ZNF485: variants seen among roughly 807,000 people sequenced by gnomAD.
The protein encoded by ZNF485 is zinc finger protein 485.
In ZNF485, 9 loss-of-function variants were observed where a neutral mutation model predicts 10.8. The ratio of observed to expected loss-of-function variants is 0.83; its 90% confidence interval spans 0.50 to 1.45. ZNF485 has a LOEUF of 1.45. ZNF485 is among the 40% of genes most tolerant of loss of function. The pLI is 0.00. For synonymous variants in ZNF485, 187 were observed against 181.0 expected (o/e 1.03, Z -0.27); for missense variants, 487 against 528.0 (o/e 0.92, Z 0.76).
chr10:43,608,605 G>A lies in ZNF485; in HGVS notation c.25-9G>A, dbSNP rs201982077. 22 of 1,610,336 alleles carry A rather than the reference G, an allele frequency of 1.4e-5. No homozygotes were observed. Among genetic ancestry groups the A allele is most frequent in the Non-Finnish European group, 1.9e-5 (22 of 1,177,906 alleles). ...TCCCGGATGAGCAGAATTGGGTTTG[G>A]TTTTGCAGGGACCGCTGACATTTGG... On this transcript the variant is annotated splice_polypyrimidine_tract_variant and intron_variant, in intron 2 of 4. Coordinates refer to ENST00000361807, the MANE Select transcript of ZNF485 (RefSeq NM_145312.4).
chr10:43,609,272 C>A lies in ZNF485; in HGVS notation c.169C>A (p.Pro57Thr). 2 of 1,613,654 alleles carry A rather than the reference C, an allele frequency of 1.2e-6. No individual in the cohort carries two copies. The highest frequency in any genetic ancestry group is 1.7e-6 in the Non-Finnish European group (2 of 1,179,816). The change falls in exon 4 of 5, where the codon CCA (proline) becomes ACA (threonine). Residue 57 changes from proline to threonine, a missense_variant. Pro to Thr is a conservative substitution (Grantham distance 38, BLOSUM62 -1). Transcript: ENST00000361807. ...LVSVGLLSSK[P>T]KLITQLEQGA... ...ATGAACAGGGCTTCTCTCTTCCAAA[C>A]CAAAACTAATTACTCAGTTGGAGCA...
rs1447311195 is a variant in ZNF485, at chr10:43,616,555, C to T, written c.512C>T (p.Ser171Leu). The change falls in exon 5 of 5, where the codon TCA becomes TTA. Residue 171 changes from serine (S) to leucine (L), a missense_variant. Coordinates refer to ENST00000361807, the MANE Select transcript of ZNF485 (RefSeq NM_145312.4). ...TGTGGGATCGCCTTTATGAACAGTTCATCCCTTTTAAATCACCATAAGGTT... is the reference window on the plus strand; with the variant it reads ...TGTGGGATCGCCTTTATGAACAGTTTATCCCTTTTAAATCACCATAAGGTT... ...KECGIAFMNS[S>L]SLLNHHKVHA... The T allele has an allele frequency of 6.2e-7, 1 of 1,614,194 alleles. No individual in the cohort carries two copies. Among genetic ancestry groups the T allele is most frequent in the Non-Finnish European group, 8.5e-7 (1 of 1,180,028 alleles).
chr10:43,617,438 A>C lies in ZNF485; in HGVS notation c.*69A>C. The C allele has an allele frequency of 8.7e-7, 1 of 1,145,550 alleles. No homozygotes were observed. The highest frequency in any genetic ancestry group is 1.2e-6 in the Non-Finnish European group (1 of 810,722). The allele number at this position is 1,145,550 out of a possible 1,614,324, so 71.0% of individuals were successfully genotyped here. A position where few individuals can be genotyped will look rare whatever the true frequency, so the allele number is the denominator to read the frequency against. ...AGAGGAGACATTAAATAAATTATGC[A>C]TTTAACAGAAATACTCTGTACTTCT... On this transcript the variant is annotated 3_prime_UTR_variant, in exon 5 of 5. Coordinates refer to ENST00000361807, the MANE Select transcript of ZNF485 (RefSeq NM_145312.4).
Position 43,608,570 on chromosome 10 carries a change from C to T in ZNF485, c.25-44C>T, listed in dbSNP as rs80002112. 28 of 1,573,574 alleles carry T rather than the reference C, an allele frequency of 1.8e-5. No homozygotes were observed. In the East Asian group the frequency reaches 5.6e-4, roughly 31 times the overall value. On this transcript the variant is annotated intron_variant, in intron 2 of 4. Transcript: ENST00000361807. ...TTGCTTCCTTCTCTTGGGATGCCTC[C>T]CTCAGGGGTTCCCGGATGAGCAGAA...
chr10:43,609,411 G>C lies in ZNF485; in HGVS notation c.247+61G>C, dbSNP rs1327438009. ...CACACGGAGCAGTACGGGGGTTCCT[G>C]AGTGGAAGCTCATCTTTGAGTGCCC... On this transcript the variant is annotated intron_variant, in intron 4 of 4. Coordinates refer to ENST00000361807, the MANE Select transcript of ZNF485 (RefSeq NM_145312.4). 3.0e-6 allele frequency: 4 copies of C among 1,327,474 alleles called. No individual in the cohort carries two copies. In the Admixed American group the frequency reaches 5.8e-5, roughly 19 times the overall value. 82.2% of individuals were successfully genotyped at this position (1,327,474 alleles called of 1,614,324 possible). A position where few individuals can be genotyped will look rare whatever the true frequency, so the allele number is the denominator to read the frequency against.
intron 4 of ZNF485, among the ~76,000 whole-genome samples, chr10:43,613,712 A>G (rs1451649478): frequency 6.6e-6 from 1 of 152,228 alleles, no homozygotes; most frequent in Non-Finnish European, 1.5e-5. Flanking sequence ...TCTGTTGGGC[A>G]TGTATTCAGC....
chr10:43,609,212 A>C (rs1392544682), intron 3 of ZNF485, 43 bp from the exon 4 acceptor site: 8 of 1,348,696 alleles, frequency 5.9e-6, no homozygotes, highest in Non-Finnish European at 7.2e-6. Context: ...CTTTTCATTC[A>C]TTTTTTTTTT....
chr10:43,608,471 C>T (rs1056524297), intron 2 of ZNF485, 143 bp from the exon 3 acceptor site: 2 of 1,051,958 alleles, frequency 1.9e-6, no homozygotes, highest in African/African-American at 1.6e-5. Flanking sequence ...GTCGCACATC[C>T]CCTGAGCCCT....
In ZNF485 at chr10:43,608,642, T is replaced by C. The variant is rs201485547; in HGVS notation, c.53T>C (p.Val18Ala). The change falls in exon 3 of 5, where the codon GTG becomes GCG. Residue 18 changes from valine to alanine, a missense_variant. Val to Ala is a moderately conservative substitution (Grantham distance 64, BLOSUM62 0). Transcript: ENST00000361807. ...QGPLTFGDVAVAFTRIEWRHL... is the reference protein window; with the variant it reads ...QGPLTFGDVAAAFTRIEWRHL... Reference sequence around the variant, plus strand: ...CCGCTGACATTTGGGGATGTGGCTGTGGCCTTTACCCGGATTGAGTGGAGA... The same window carrying C: ...CCGCTGACATTTGGGGATGTGGCTGCGGCCTTTACCCGGATTGAGTGGAGA... 1.2e-6 allele frequency: 2 copies of C among 1,613,536 alleles called. No homozygotes were observed. The highest frequency in any genetic ancestry group is 3.3e-5 in the Admixed American group (2 of 60,010).
At position 43,609,275 on chromosome 10, in the gene ZNF485, A is replaced by G. The variant is rs1838719442; in HGVS notation, c.172A>G (p.Lys58Glu). The G allele has an allele frequency of 1.2e-6, 2 of 1,613,834 alleles. No individual in the cohort carries two copies. Among genetic ancestry groups the G allele is most frequent in the South Asian group, 2.2e-5 (2 of 91,048 alleles). ...AACAGGGCTTCTCTCTTCCAAACCA[A>G]AACTAATTACTCAGTTGGAGCAAGG... Reference protein sequence around the residue: ...VSVGLLSSKPKLITQLEQGAE... With the variant: ...VSVGLLSSKPELITQLEQGAE... The change falls in exon 4 of 5, where the codon AAA becomes GAA. Residue 58 changes from lysine to glutamate, a missense_variant. Transcript: ENST00000361807.
rs954048689 is a variant in ZNF485 at position 43,616,986 on chromosome 10, A to T, written c.943A>T (p.Ser315Cys). 6.2e-7 allele frequency: 1 copy of T among 1,614,048 alleles called. No individual in the cohort carries two copies. Among genetic ancestry groups the T allele is most frequent in the Non-Finnish European group, 8.5e-7 (1 of 1,180,046 alleles). Residue 315 changes from serine to cysteine, a missense_variant, in exon 5 of 5, where the codon AGT becomes TGT. Physicochemically the swap from Ser to Cys is moderately radical, Grantham distance 112. Coordinates refer to ENST00000361807, the MANE Select transcript of ZNF485 (RefSeq NM_145312.4). ...KAFRKSSTLI[S>C]HQRMHTGEKP... ...CTTTAGGAAGAGCTCAACTCTTATTAGTCACCAAAGAATGCATACTGGGGA... is the reference window on the plus strand; with the variant it reads ...CTTTAGGAAGAGCTCAACTCTTATTTGTCACCAAAGAATGCATACTGGGGA...
rs1258452238 is a variant in ZNF485 at position 43,617,054 on chromosome 10, T to C, written c.1011T>C (p.Tyr337=). The C allele has an allele frequency of 1.2e-6, 2 of 1,614,186 alleles. No homozygotes were observed. The highest frequency in any genetic ancestry group is 2.2e-5 in the South Asian group (2 of 91,082). The change falls in exon 5 of 5, where the codon TAT becomes TAC. Residue 337 remains tyrosine, a synonymous_variant. Coordinates refer to ENST00000361807, the MANE Select transcript of ZNF485 (RefSeq NM_145312.4). ...HCSKCGKSFR[Y]SSSFAGHQKT... is the part of the protein sequence containing the mutation. ...GTAAATGTGGAAAATCTTTCAGGTA[T>C]AGCTCATCCTTTGCTGGTCATCAGA...
intron 4 of ZNF485, among the ~76,000 whole-genome samples, chr10:43,613,074 T>C (rs138125199): frequency 1.0e-3 from 159 of 152,338 alleles, no homozygotes; most frequent in African/African-American, 3.5e-3. Flanking sequence ...TACTAAGAGA[T>C]TGATAAGCTA....
chr10:43,606,473 T>A lies in ZNF485; in HGVS notation c.-128T>A, dbSNP rs1838642893. ...CGCTGCACCAGCCCCTGGCTGGTGG[T>A]TACTGTCCGAACGGCGTGGTGTGGT... On this transcript the variant is annotated 5_prime_UTR_variant, in exon 1 of 5. Transcript: ENST00000361807. 2.5e-6 allele frequency: 1 copy of A among 395,852 alleles called. No individual in the cohort carries two copies. Among genetic ancestry groups the A allele is most frequent in the African/African-American group, 2.1e-5 (1 of 48,402 alleles). The allele number at this position is 395,852 out of a possible 1,614,324, so 24.5% of individuals were successfully genotyped here.
At chr10:43,608,496 T>G in intron 2 of ZNF485, 118 bp from the exon 3 acceptor site, 1 of 1,333,408 alleles carries the variant, frequency 7.5e-7, no homozygotes, top group Non-Finnish European at 1.0e-6. Flanking sequence ...TTTTACTTGT[T>G]GGTTTCCATG....
intron 4 of ZNF485, among the ~76,000 whole-genome samples, chr10:43,614,282 T>A (rs1274835958): frequency 6.6e-6 from 1 of 152,194 alleles, no homozygotes; most frequent in Admixed American, 6.5e-5. Context: ...GGGTAACTAT[T>A]TGAAGAGCCT....
At position 43,617,084 on chromosome 10, in the gene ZNF485, T is replaced by G. The variant is rs1196644102; in HGVS notation, c.1041T>G (p.Thr347=). ...CATCCTTTGCTGGTCATCAGAAAAC[T>G]CACAGTGGAAATAAACCGTATCAGT... The part of the protein sequence containing the change: ...YSSSFAGHQK[T]HSGNKPYQCR... Residue 347 remains threonine (T), a synonymous_variant, in exon 5 of 5, where the codon ACT becomes ACG. Transcript: ENST00000361807. 4 of 1,614,192 alleles carry G rather than the reference T, an allele frequency of 2.5e-6. No homozygotes were observed. The South Asian group carries it at 4.4e-5, about 18-fold the overall frequency.
chr10:43,610,556 C>A lies in ZNF485; in HGVS notation c.247+1206C>A, dbSNP rs149038270. On this transcript the variant is annotated intron_variant, in intron 4 of 4. Transcript: ENST00000361807. ...TATATAGTAACAAAAGTCACTCAGT[C>A]TTCTTTATTCTTTGTTCTTTCTGTT... Among the ~76,000 whole-genome samples, 265 of 152,154 alleles carry A rather than the reference C, an allele frequency of 1.7e-3. 1 individual carries two copies. The highest frequency in any genetic ancestry group is 6.1e-3 in the African/African-American group (255 of 41,508).
intron 4 of ZNF485, among the ~76,000 whole-genome samples, chr10:43,615,653 C>T (rs1180710330): frequency 5.3e-5 from 8 of 152,156 alleles, no homozygotes. Context: ...CCACCCGTCT[C>T]GGCCTCCCAA....
Sources: gnomAD v4.1 joint callset for allele counts (sites outside exome capture counted in the v4.1 genomes callset) on GRCh38, gnomAD v4.1.1 for gene constraint, MANE v1.5 for transcripts, NCBI Gene and HGNC (gene_info 2026-07-23, HGNC 2026-07-21) for gene names.